Variants in NKAIN2 observed in about 807,000 individuals in gnomAD.
NKAIN2 encodes sodium/potassium-transporting ATPase subunit beta-1-interacting protein 2.
NKAIN2 carries 14 observed loss-of-function variants against 32.6 expected under a neutral mutation model. The observed-to-expected ratio is 0.43, with a 90% CI of 0.28 to 0.67. The LOEUF (loss-of-function observed/expected upper bound fraction) is 0.67. NKAIN2 is among the 30% of genes least tolerant of loss of function. The probability of loss-of-function intolerance (pLI) is 0.17; values close to 1 mark genes in which losing one functional copy is unlikely to be tolerated. For synonymous variants in NKAIN2, 80 were observed against 87.2 expected, an observed-to-expected ratio of 0.92 and a Z score of 0.46; for missense variants, 198 against 258.3, an observed-to-expected ratio of 0.77 and a Z score of 1.60.
At chr6:124,466,844 AAT>A (rs1409388220) in intron 3 of NKAIN2, among the ~76,000 whole-genome samples, 1 of 152,110 alleles carries the variant, frequency 6.6e-6, no homozygotes, top group Non-Finnish European at 1.5e-5. Flanking sequence ...TAGATTTTAA[AAT>A]ATGTTTTCTT....
chr6:124,410,694 T>A (rs562874963), intron 3 of NKAIN2, among the ~76,000 whole-genome samples: 1,808 of 152,278 alleles, frequency 0.012, 26 homozygotes, highest in African/African-American at 0.042. Flanking sequence ...TGGAGAGTTC[T>A]GTAGATGTCT....
intron 4 of NKAIN2, among the ~76,000 whole-genome samples, chr6:124,704,448 C>A (rs890230618): frequency 6.6e-6 from 1 of 151,812 alleles, no homozygotes; most frequent in Non-Finnish European, 1.5e-5. Flanking sequence ...CAAGACAGAC[C>A]AAGATGGCTG....
chr6:124,382,191 T>C (rs549549864), intron 3 of NKAIN2, among the ~76,000 whole-genome samples: 1 of 152,244 alleles, frequency 6.6e-6, no homozygotes, highest in Middle Eastern at 3.4e-3. Flanking sequence ...CAATATATTA[T>C]TTAAAAGACT....
At chr6:124,263,670 G>A (rs1359825704) in intron 1 of NKAIN2, among the ~76,000 whole-genome samples, 3 of 152,076 alleles carry the variant, frequency 2.0e-5, no homozygotes, top group Non-Finnish European at 2.9e-5. Flanking sequence ...CTAAGAACTT[G>A]TTTGTAAACC....
chr6:124,239,869 G>A (rs1478807229), intron 1 of NKAIN2, among the ~76,000 whole-genome samples: 2 of 152,034 alleles, frequency 1.3e-5, no homozygotes, highest in South Asian at 2.1e-4. Context: ...TCAAAAGCTA[G>A]CAGAAAACAA....
intron 4 of NKAIN2, among the ~76,000 whole-genome samples, chr6:124,702,983 T>C (rs78002529): frequency 0.033 from 5,045 of 152,184 alleles, 153 homozygotes; most frequent in African/African-American, 0.086. Context: ...AAGTAAACTC[T>C]GTGGGCTTAA....
At chr6:124,722,845 TTC>T (rs1314237942) in intron 4 of NKAIN2, among the ~76,000 whole-genome samples, 2 of 152,218 alleles carry the variant, frequency 1.3e-5, no homozygotes, top group African/African-American at 4.8e-5. Context: ...ACACATTACT[TTC>T]TGTTTTTTTA....
At chr6:124,456,005 G>A (rs1384591960) in intron 3 of NKAIN2, among the ~76,000 whole-genome samples, 1 of 151,802 alleles carries the variant, frequency 6.6e-6, no homozygotes, top group African/African-American at 2.4e-5. Context: ...AGGGGACAGG[G>A]ATAGGATGGT....
chr6:124,331,085 C>T (rs1797630503), intron 2 of NKAIN2, among the ~76,000 whole-genome samples: 1 of 152,016 alleles, frequency 6.6e-6, no homozygotes, highest in Non-Finnish European at 1.5e-5. Flanking sequence ...TTCTAGAATG[C>T]GTTAATTGAA....
At chr6:124,462,758 A>G (rs1776582454) in intron 3 of NKAIN2, among the ~76,000 whole-genome samples, 1 of 151,992 alleles carries the variant, frequency 6.6e-6, no homozygotes, top group Non-Finnish European at 1.5e-5. Context: ...AATTCCTACA[A>G]CGTTTTTATA....
chr6:124,409,780 C>T (rs752440636), intron 3 of NKAIN2, among the ~76,000 whole-genome samples: 12 of 152,302 alleles, frequency 7.9e-5, no homozygotes, highest in Middle Eastern at 3.4e-3. Context: ...ACCAGCTCCT[C>T]ATTGTACCTA....
At chr6:124,272,452 A>G (rs541067232) in intron 1 of NKAIN2, among the ~76,000 whole-genome samples, 1 of 152,290 alleles carries the variant, frequency 6.6e-6, no homozygotes, top group South Asian at 2.1e-4. Flanking sequence ...TACTCAGAAG[A>G]TAAGAGTTGA....
At chr6:124,705,241 G>A (rs1311742953) in intron 4 of NKAIN2, among the ~76,000 whole-genome samples, 1 of 152,024 alleles carries the variant, frequency 6.6e-6, no homozygotes, top group Non-Finnish European at 1.5e-5. Context: ...TAAAAGATTG[G>A]GAGTCCTTTA....
At chr6:124,656,452 C>A (rs1177732355) in intron 3 of NKAIN2, among the ~76,000 whole-genome samples, 2 of 152,074 alleles carry the variant, frequency 1.3e-5, no homozygotes, top group Non-Finnish European at 2.9e-5. Flanking sequence ...TCTCAGACCC[C>A]ACCATGCTTG....
intron 1 of NKAIN2, among the ~76,000 whole-genome samples, chr6:124,142,460 CATTT>C (rs903980179): frequency 1.3e-5 from 2 of 152,134 alleles, no homozygotes; most frequent in African/African-American, 4.8e-5. Flanking sequence ...TTTCCCAAGT[CATTT>C]AGAGTGAAAA....
rs182532760 is a variant in NKAIN2 at position 124,367,563 on chromosome 6, C to T, written c.273+12216C>T. 9.9e-5 allele frequency among the ~76,000 whole-genome samples: 15 copies of T among 152,214 alleles called. No homozygotes were observed. The East Asian group carries it at 2.7e-3, about 27-fold the overall frequency. ...ACCATTATATAAATCACTTTGATAT[C>T]TTTTTAATTATAGATTATGGTTCTC... On this transcript the variant is annotated intron_variant, in intron 3 of 6. Coordinates refer to ENST00000368417, the MANE Select transcript of NKAIN2 (RefSeq NM_001040214.3).
intron 5 of NKAIN2, among the ~76,000 whole-genome samples, chr6:124,806,074 TATCCAGGAGAACTTCTCC>T (rs1780538192): frequency 6.6e-6 from 1 of 152,196 alleles, no homozygotes; most frequent in Admixed American, 6.5e-5. Flanking sequence ...TGCAGGATAT[TATCCAGGAGAACTTCTCC>T]AATCTAGCAA....
rs190114092 is a variant in NKAIN2 at position 123,903,928 on chromosome 6, A to G, written c.54+99674A>G. On this transcript the variant is annotated intron_variant, in intron 1 of 6. Transcript: ENST00000368417. ...TTATACGCATTTTTTTTTTTTCTAA[A>G]GAAAACAAGAAATGATTGGCCGGGC... Among the ~76,000 whole-genome samples the G allele has an allele frequency of 9.4e-3, 1,422 of 151,620 alleles. 16 individuals carry two copies. The highest frequency in any genetic ancestry group is 0.027 in the Middle Eastern group (8 of 294).
In NKAIN2 at chr6:124,140,762, T is replaced by A. The variant is rs184610496; in HGVS notation, c.55-142243T>A. The stretch of plus-strand genomic sequence containing the variant: ...AATACACATTCATTGTAGAAAAAAA[T>A]TTTAATTACTAAAAACAGAACTGTA... On this transcript the variant is annotated intron_variant, in intron 1 of 6. Coordinates refer to ENST00000368417, the MANE Select transcript of NKAIN2 (RefSeq NM_001040214.3). 1.8e-4 allele frequency among the ~76,000 whole-genome samples: 27 copies of A among 152,260 alleles called. No homozygotes were observed. In the Middle Eastern group the frequency reaches 0.01, roughly 58 times the overall value.
Sources: allele counts gnomAD v4.1 joint callset (sites outside exome capture counted in the v4.1 genomes callset), GRCh38; gene constraint gnomAD v4.1.1; transcripts MANE v1.5; gene names NCBI Gene and HGNC (gene_info 2026-07-23, HGNC 2026-07-21).